TRDN: variants seen among roughly 807,000 people sequenced by gnomAD.
TRDN encodes triadin, also known as triadin in skeletal muscle.
In TRDN, 161 loss-of-function variants were observed where a neutral mutation model predicts 149.7. That is an observed-to-expected ratio of 1.08 (90% CI 0.95 to 1.23). TRDN has a LOEUF of 1.23. Among genes scored for constraint, TRDN ranks in the 50% most tolerant of loss-of-function variants. TRDN has a pLI of 0.00. For missense variants in TRDN, 896 were observed against 823.5 expected (o/e 1.09, Z -1.08); for synonymous variants, 294 against 250.5 (o/e 1.17, Z -1.64).
intron 4 of TRDN, among the ~76,000 whole-genome samples, chr6:123,543,803 A>G (rs1780973539): frequency 1.3e-5 from 2 of 152,134 alleles, no homozygotes; most frequent in South Asian, 4.1e-4. Context: ...TCAACTTAAA[A>G]TATTTATCAA....
intron 1 of TRDN, among the ~76,000 whole-genome samples, chr6:123,589,807 G>A (rs776963361): frequency 7.2e-5 from 11 of 152,142 alleles, no homozygotes; most frequent in Non-Finnish European, 1.3e-4. Context: ...AAGACTGTAG[G>A]CAGAAAATTG....
chr6:123,602,052 A>G (rs1257802454), intron 1 of TRDN, among the ~76,000 whole-genome samples: 1 of 152,132 alleles, frequency 6.6e-6, no homozygotes, highest in Non-Finnish European at 1.5e-5. Context: ...AATGGTAACT[A>G]TATGTCAGGC....
intron 12 of TRDN, among the ~76,000 whole-genome samples, chr6:123,430,308 C>T (rs1774281275): frequency 6.6e-6 from 1 of 151,392 alleles, no homozygotes; most frequent in Admixed American, 6.6e-5. Context: ...ACAGACTGGG[C>T]GCAGTGGCTC....
intron 29 of TRDN, 28 bp downstream of exon 29, chr6:123,272,936 G>A (rs1179851040): frequency 6.8e-7 from 1 of 1,476,330 alleles, no homozygotes; most frequent in African/African-American, 1.4e-5. Context: ...GAGGTTATTT[G>A]AGACTACAAA....
intron 1 of TRDN, among the ~76,000 whole-genome samples, chr6:123,601,078 A>T (rs1784253511): frequency 1.3e-5 from 2 of 152,108 alleles, no homozygotes; most frequent in Non-Finnish European, 1.5e-5. Context: ...TAGACAATTT[A>T]TCTGTGTTAT....
intron 29 of TRDN, among the ~76,000 whole-genome samples, chr6:123,271,548 C>A (rs1276321828): frequency 6.6e-6 from 1 of 151,914 alleles, no homozygotes; most frequent in Non-Finnish European, 1.5e-5. Context: ...TAGGAAGGAG[C>A]AATTTTTTAT....
intron 2 of TRDN, among the ~76,000 whole-genome samples, chr6:123,562,628 C>T (rs954839427): frequency 1.3e-5 from 2 of 151,794 alleles, no homozygotes; most frequent in Non-Finnish European, 2.9e-5. Flanking sequence ...GTTATATCAG[C>T]CAAAAGAGAC....
chr6:123,533,349 C>T (rs1459429316), intron 4 of TRDN, among the ~76,000 whole-genome samples: 3 of 151,974 alleles, frequency 2.0e-5, no homozygotes, highest in Admixed American at 6.6e-5. Flanking sequence ...GGAGCTCACA[C>T]GGGAGAATAA....
intron 38 of TRDN, among the ~76,000 whole-genome samples, chr6:123,249,831 T>G (rs758383854): frequency 3.7e-4 from 56 of 151,624 alleles, no homozygotes; most frequent in African/African-American, 1.2e-3. Context: ...GAGAAAGAAA[T>G]AAATAGAATG....
intron 1 of TRDN, among the ~76,000 whole-genome samples, chr6:123,608,008 T>G (rs998161274): frequency 2.0e-5 from 3 of 152,084 alleles, no homozygotes; most frequent in African/African-American, 7.2e-5. Context: ...ACTTTCAAAA[T>G]AGCTTTTACT....
In TRDN at chr6:123,624,513, C is replaced by G. The variant is rs1785551882; in HGVS notation, c.22+12241G>C. ...ACTTATTGCCTTAATCTAGTCATTA[C>G]TGCTACCCTAAGTACTTTCTGCTCA... On this transcript the variant is annotated intron_variant, in intron 1 of 40. Transcript: ENST00000334268. 2.0e-5 allele frequency among the ~76,000 whole-genome samples: 3 copies of G among 152,268 alleles called. No homozygotes were observed. The South Asian group carries it at 6.2e-4, about 32-fold the overall frequency.
intron 23 of TRDN, among the ~76,000 whole-genome samples, chr6:123,331,555 T>C (rs1779659098): frequency 6.6e-6 from 1 of 152,056 alleles, no homozygotes; most frequent in African/African-American, 2.4e-5. Context: ...ATCTTTGGTT[T>C]CCATGGCTAT....
chr6:123,329,485 A>C (rs892422961), intron 23 of TRDN, among the ~76,000 whole-genome samples: 1 of 152,136 alleles, frequency 6.6e-6, no homozygotes, highest in African/African-American at 2.4e-5. Context: ...AATATGTGTG[A>C]GATGGTGGTG....
At chr6:123,454,130 G>GAA (rs1775960796) in intron 10 of TRDN, among the ~76,000 whole-genome samples, 1 of 151,928 alleles carries the variant, frequency 6.6e-6, no homozygotes, top group Non-Finnish European at 1.5e-5. Flanking sequence ...GGACTTGGGG[G>GAA]AAGAGTGGGA....
At chr6:123,553,857 G>A (rs1161698504) in intron 2 of TRDN, among the ~76,000 whole-genome samples, 1 of 152,120 alleles carries the variant, frequency 6.6e-6, no homozygotes, top group East Asian at 1.9e-4. Flanking sequence ...TGGGAATCAT[G>A]GGAGCTCTAA....
chr6:123,339,896 A>G (rs1473631195), intron 21 of TRDN, among the ~76,000 whole-genome samples: 1 of 152,134 alleles, frequency 6.6e-6, no homozygotes, highest in Non-Finnish European at 1.5e-5. Context: ...TTGATGTGCT[A>G]TTGCCAGACC....
At chr6:123,577,652 T>C (rs777729052) in intron 1 of TRDN, among the ~76,000 whole-genome samples, 6 of 152,190 alleles carry the variant, frequency 3.9e-5, no homozygotes, top group Non-Finnish European at 7.4e-5. Flanking sequence ...TCTCTAAGCA[T>C]AGACCCAGTA....
chr6:123,278,992 G>T (rs1777478879), intron 25 of TRDN, 64 bp downstream of exon 25: 2 of 1,415,146 alleles, frequency 1.4e-6, no homozygotes, highest in African/African-American at 1.5e-5. Context: ...ATGCATTTAA[G>T]ATTTGTTTTA....
At chr6:123,500,191 T>C (rs1173963426) in intron 8 of TRDN, among the ~76,000 whole-genome samples, 1 of 152,168 alleles carries the variant, frequency 6.6e-6, no homozygotes, top group African/African-American at 2.4e-5. Flanking sequence ...GGTTTTGTTA[T>C]ATGTAAATAG....
Sources: gnomAD v4.1 joint callset for allele counts (sites outside exome capture counted in the v4.1 genomes callset) on GRCh38, gnomAD v4.1.1 for gene constraint, MANE v1.5 for transcripts, NCBI Gene and HGNC (gene_info 2026-07-23, HGNC 2026-07-21) for gene names.